NCAM2: variants seen among roughly 807,000 people sequenced by gnomAD.
NCAM2 encodes neural cell adhesion molecule 2.
A neutral mutation model predicts 98.1 loss-of-function variants in NCAM2; 30 were observed. The ratio of observed to expected loss-of-function variants is 0.31; its 90% CI spans 0.23 to 0.41. The LOEUF (loss-of-function observed/expected upper bound fraction) is 0.41, where lower values mean the gene tolerates loss of function less well. Ranked by LOEUF, NCAM2 falls within the 10% of genes least tolerant of loss-of-function variation. NCAM2 has a pLI of 1.00. For synonymous variants in NCAM2, 368 were observed against 342.4 expected (o/e 1.07, Z -0.83); for missense variants, 867 against 1,005.8 (o/e 0.86, Z 1.87).
chr21:21,013,440 C>T (rs967425470), intron 1 of NCAM2, among the ~76,000 whole-genome samples: 3 of 152,068 alleles, frequency 2.0e-5, no homozygotes, highest in African/African-American at 4.8e-5. Context: ...AGAGGTGAGG[C>T]GAGACAGGTG....
chr21:21,011,100 G>A (rs569789424), intron 1 of NCAM2, among the ~76,000 whole-genome samples: 1 of 152,022 alleles, frequency 6.6e-6, no homozygotes, highest in South Asian at 2.1e-4. Context: ...GTAGTTTTAA[G>A]TATTTGGTGA....
At chr21:21,183,160 G>A (rs1182846887) in intron 1 of NCAM2, among the ~76,000 whole-genome samples, 1 of 152,138 alleles carries the variant, frequency 6.6e-6, no homozygotes, top group Non-Finnish European at 1.5e-5. Context: ...ACTTTTTGCA[G>A]TCTGTACTAC....
At chr21:21,487,430 T>C (rs1256241559) in intron 15 of NCAM2, among the ~76,000 whole-genome samples, 1 of 152,134 alleles carries the variant, frequency 6.6e-6, no homozygotes, top group East Asian at 1.9e-4. Context: ...TAAAATTCTG[T>C]CTCTGAAGAT....
chr21:21,093,810 A>T (rs1226373462), intron 1 of NCAM2, among the ~76,000 whole-genome samples: 1 of 151,908 alleles, frequency 6.6e-6, no homozygotes, highest in Non-Finnish European at 1.5e-5. Flanking sequence ...CTGACATTGG[A>T]GTCTAGGCTC....
At chr21:21,384,535 A>G (rs139636869) in intron 9 of NCAM2, among the ~76,000 whole-genome samples, 228 of 152,030 alleles carry the variant, frequency 1.5e-3, no homozygotes, top group African/African-American at 5.3e-3. Context: ...TTGGAAATCT[A>G]CCTCACGTTT....
intron 1 of NCAM2, among the ~76,000 whole-genome samples, chr21:21,199,042 T>C (rs78046604): frequency 0.017 from 2,574 of 152,292 alleles, 65 homozygotes; most frequent in African/African-American, 0.059. Flanking sequence ...AAAAAAATCA[T>C]TTCTCTTTAA....
At chr21:21,260,319 G>A (rs953791859) in intron 1 of NCAM2, among the ~76,000 whole-genome samples, 48 of 151,804 alleles carry the variant, frequency 3.2e-4, no homozygotes, top group African/African-American at 1.1e-3. Flanking sequence ...TTCCTAGAGA[G>A]ATAGATATCC....
chr21:21,110,331 C>T (rs2066429958), intron 1 of NCAM2, among the ~76,000 whole-genome samples: 1 of 152,050 alleles, frequency 6.6e-6, no homozygotes, highest in Non-Finnish European at 1.5e-5. Context: ...TAAACAACTT[C>T]CTGTGGGCCT....
intron 1 of NCAM2, among the ~76,000 whole-genome samples, chr21:21,197,766 G>A (rs73896604): frequency 1.3e-3 from 196 of 152,272 alleles, no homozygotes; most frequent in African/African-American, 4.3e-3. Flanking sequence ...AGAGATGACT[G>A]GGATCATAAG....
chr21:21,247,627 G>A (rs2071327145), intron 1 of NCAM2, among the ~76,000 whole-genome samples: 1 of 152,036 alleles, frequency 6.6e-6, no homozygotes, highest in African/African-American at 2.4e-5. Flanking sequence ...TAATCACATT[G>A]TTTATCTTAA....
chr21:21,238,338 G>A (rs1309782086), intron 1 of NCAM2, among the ~76,000 whole-genome samples: 1 of 151,986 alleles, frequency 6.6e-6, no homozygotes, highest in Non-Finnish European at 1.5e-5. Flanking sequence ...TTATTTCATT[G>A]TTTTCATTTA....
At chr21:21,387,821 A>G (rs193154422) in intron 9 of NCAM2, among the ~76,000 whole-genome samples, 43 of 152,324 alleles carry the variant, frequency 2.8e-4, no homozygotes, top group Admixed American at 2.1e-3. Flanking sequence ...GACATTGGCA[A>G]GAGAAACCAA....
At chr21:21,084,401 C>T (rs77651167) in intron 1 of NCAM2, among the ~76,000 whole-genome samples, 4,804 of 152,266 alleles carry the variant, frequency 0.032, 118 homozygotes, top group South Asian at 0.046. Flanking sequence ...TACAATGTCA[C>T]AAGTGTTTTT....
At position 21,192,517 on chromosome 21, in the gene NCAM2, A is replaced by G. The variant is rs368160939; in HGVS notation, c.56-88061A>G. Among the ~76,000 whole-genome samples the G allele has an allele frequency of 1.4e-3, 216 of 152,266 alleles. 2 individuals carry two copies. The highest frequency in any genetic ancestry group is 4.9e-3 in the African/African-American group (205 of 41,540). ...GGGTGCTGAAACTAAACTGAAGAGG[A>G]TTTAGAAGTGAATCAGAGAATTAGA... On this transcript the variant is annotated intron_variant, in intron 1 of 17. Coordinates refer to ENST00000400546, the MANE Select transcript of NCAM2 (RefSeq NM_004540.5).
chr21:21,355,363 G>A (rs2075443774), intron 8 of NCAM2, among the ~76,000 whole-genome samples: 2 of 150,336 alleles, frequency 1.3e-5, no homozygotes, highest in African/African-American at 2.4e-5. Flanking sequence ...GCAGGGGGCT[G>A]AGGCAGGAGA....
At chr21:21,441,507 A>C (rs1979269323) in intron 12 of NCAM2, among the ~76,000 whole-genome samples, 1 of 152,236 alleles carries the variant, frequency 6.6e-6, no homozygotes, top group African/African-American at 2.4e-5. Flanking sequence ...TCAATGAATG[A>C]AACAAAAAAT....
chr21:21,403,314 A>T (rs1319512679), intron 9 of NCAM2, among the ~76,000 whole-genome samples: 2 of 152,184 alleles, frequency 1.3e-5, no homozygotes, highest in Admixed American at 1.3e-4. Flanking sequence ...CAATATATTT[A>T]TTTACTTTTG....
chr21:21,527,820 T>G (rs1989410259), intron 16 of NCAM2, among the ~76,000 whole-genome samples: 1 of 152,178 alleles, frequency 6.6e-6, no homozygotes, highest in Non-Finnish European at 1.5e-5. Flanking sequence ...TACTCTTACC[T>G]TAAAATTTAT....
At chr21:21,285,855 G>T (rs1412408845) in intron 3 of NCAM2, among the ~76,000 whole-genome samples, 1 of 151,914 alleles carries the variant, frequency 6.6e-6, no homozygotes, top group Non-Finnish European at 1.5e-5. Context: ...ACCTTGAAAT[G>T]GAAAGGAATA....
Sources: allele counts gnomAD v4.1 joint callset (sites outside exome capture counted in the v4.1 genomes callset), GRCh38; gene constraint gnomAD v4.1.1; transcripts MANE v1.5; gene names NCBI Gene and HGNC (gene_info 2026-07-23, HGNC 2026-07-21).